Variants in RYR3 observed in about 807,000 individuals in gnomAD.
RYR3 encodes brain ryanodine receptor-calcium release channel.
In RYR3, 207 loss-of-function variants were observed where a neutral mutation model predicts 584.3. The observed-to-expected ratio is 0.35, with a 90% CI of 0.32 to 0.40. RYR3 has a LOEUF of 0.40. Among genes scored for constraint, RYR3 ranks in the 10% least tolerant of loss-of-function variants. The pLI is 1.00. For synonymous variants in RYR3, 2,416 were observed against 2,248.5 expected (o/e 1.07, Z -2.11); for missense variants, 5,616 against 6,089.2 (o/e 0.92, Z 2.59).
rs2066249241 is a variant in RYR3 at position 33,700,850 on chromosome 15, G to A, written c.6380-127G>A. The A allele has an allele frequency of 6.8e-6, 4 of 586,866 alleles. No individual in the cohort carries two copies. The Admixed American group carries it at 8.1e-5, about 12-fold the overall frequency. The allele number at this position is 586,866 out of a possible 1,614,324, so 36.4% of individuals were successfully genotyped here. A position where few individuals can be genotyped will look rare whatever the true frequency, so the allele number is the denominator to read the frequency against. On this transcript the variant is annotated intron_variant, in intron 41 of 103. Transcript: ENST00000634891. ...CAAGCGGACTGTCCCATTGGAGAAC[G>A]GTCATGTAAGCCAGGTTTCAGTGTG... is the stretch of plus-strand genomic sequence containing the variant.
intron 1 of RYR3, among the ~76,000 whole-genome samples, chr15:33,450,087 T>TAAAAA (rs10647466): frequency 0.11 from 7,549 of 67,050 alleles, 1,413 homozygotes; most frequent in South Asian, 0.15. Context: ...CATTAATACC[T>TAAAAA]AAAAAAAAAA....
At chr15:33,683,815 G>T (rs1435767030) in intron 38 of RYR3, among the ~76,000 whole-genome samples, 1 of 152,234 alleles carries the variant, frequency 6.6e-6, no homozygotes, top group Non-Finnish European at 1.5e-5. Flanking sequence ...TTAGCAACTG[G>T]CAGACAAGGA....
chr15:33,365,220 A>G lies in RYR3; in HGVS notation c.51+54124A>G, dbSNP rs143517432. Among the ~76,000 whole-genome samples the G allele has an allele frequency of 2.5e-3, 378 of 152,344 alleles. 2 individuals carry two copies. Among genetic ancestry groups the G allele is most frequent in the African/African-American group, 8.5e-3 (355 of 41,586 alleles). The stretch of plus-strand genomic sequence containing the variant: ...CTCCTCCTTGGGGGCCACAGTGTTT[A>G]TCCATGTCCTGAGATTGGGAGGATA... On this transcript the variant is annotated intron_variant, in intron 1 of 103. Coordinates refer to ENST00000634891, the MANE Select transcript of RYR3 (RefSeq NM_001036.6).
At chr15:33,408,142 A>G (rs1567179634) in intron 1 of RYR3, among the ~76,000 whole-genome samples, 1 of 152,122 alleles carries the variant, frequency 6.6e-6, no homozygotes, top group East Asian at 1.9e-4. Flanking sequence ...ATAGTACCCA[A>G]TAGATTTTAA....
intron 1 of RYR3, among the ~76,000 whole-genome samples, chr15:33,420,646 T>C (rs747145170): frequency 1.3e-5 from 2 of 151,650 alleles, no homozygotes; most frequent in Admixed American, 6.6e-5. Context: ...ATCTCTAAAT[T>C]TGCAGCATGT....
chr15:33,398,291 C>G (rs2042418295), intron 1 of RYR3, among the ~76,000 whole-genome samples: 2 of 152,178 alleles, frequency 1.3e-5, no homozygotes, highest in South Asian at 4.1e-4. Context: ...GGGTGGCCAT[C>G]CATCCACAAT....
At chr15:33,541,931 CAAG>C (rs999634071) in intron 7 of RYR3, among the ~76,000 whole-genome samples, 4 of 152,064 alleles carry the variant, frequency 2.6e-5, no homozygotes, top group Admixed American at 6.6e-5. Flanking sequence ...AAGTCTTTCT[CAAG>C]AAAGTTTTGG....
rs181770354 is a variant in RYR3, at chr15:33,525,445, G to A, written c.280-5147G>A. Among the ~76,000 whole-genome samples the A allele has an allele frequency of 5.3e-3, 807 of 152,246 alleles. 2 individuals are homozygous for A. Among genetic ancestry groups the A allele is most frequent in the Non-Finnish European group, 9.0e-3 (611 of 68,002 alleles). On this transcript the variant is annotated intron_variant, in intron 3 of 103. Coordinates refer to ENST00000634891, the MANE Select transcript of RYR3 (RefSeq NM_001036.6). ...GCAATTTGTGAAATTGCAAAATATC[G>A]CACTAGAATTGTAATTAAAACTGTA...
chr15:33,524,067 T>A (rs1293956752), intron 3 of RYR3, among the ~76,000 whole-genome samples: 1 of 152,156 alleles, frequency 6.6e-6, no homozygotes, highest in Non-Finnish European at 1.5e-5. Flanking sequence ...AAAATACTTT[T>A]AAAATGCTCG....
chr15:33,634,631 C>G lies in RYR3; in HGVS notation c.3073C>G (p.Leu1025Val). ...RNPRLVPYALLDERTKKSNRD... is the reference protein window; with the variant it reads ...RNPRLVPYALVDERTKKSNRD... Reference sequence around the variant, plus strand: ...TCCCCGTCTGGTGCCATATGCATTACTGGATGAGCGTACCAAGAAGTCAAA... The same window carrying G: ...TCCCCGTCTGGTGCCATATGCATTAGTGGATGAGCGTACCAAGAAGTCAAA... The change falls in exon 25 of 104, where the codon CTG (leucine) becomes GTG (valine). Residue 1025 changes from leucine (L) to valine (V), a missense_variant. Leu to Val is a conservative substitution (Grantham distance 32, BLOSUM62 1). Around this residue, in one of 9 missense-constraint regions of RYR3, gnomAD observed 1,284 missense variants for 1,344.6 expected, o/e 0.95. Transcript: ENST00000634891. 1 of 1,613,906 alleles carries G rather than the reference C, an allele frequency of 6.2e-7. No homozygotes were observed. Among genetic ancestry groups the G allele is most frequent in the Non-Finnish European group, 8.5e-7 (1 of 1,179,810 alleles).
At chr15:33,700,347 C>CA (rs1052876482) in intron 41 of RYR3, among the ~76,000 whole-genome samples, 1 of 152,196 alleles carries the variant, frequency 6.6e-6, no homozygotes, top group Non-Finnish European at 1.5e-5. Context: ...CCACCACTAC[C>CA]ACTAGAAAAG....
intron 1 of RYR3, among the ~76,000 whole-genome samples, chr15:33,361,989 G>A (rs1974828914): frequency 6.6e-6 from 1 of 152,216 alleles, no homozygotes. Context: ...GTAACTGACT[G>A]GAGGCCGGCT....
intron 1 of RYR3, among the ~76,000 whole-genome samples, chr15:33,469,895 G>A (rs149625240): frequency 2.6e-4 from 40 of 152,244 alleles, no homozygotes; most frequent in South Asian, 4.1e-4. Context: ...ACAGAAAGGC[G>A]GGAGCACTAG....
chr15:33,745,114 G>A (rs140095822), intron 52 of RYR3, among the ~76,000 whole-genome samples: 1 of 152,232 alleles, frequency 6.6e-6, no homozygotes, highest in East Asian at 1.9e-4. Context: ...ACAAATGATG[G>A]GAGGGGTACA....
chr15:33,681,698 C>T (rs963835213), intron 38 of RYR3, among the ~76,000 whole-genome samples: 1 of 152,180 alleles, frequency 6.6e-6, no homozygotes, highest in Non-Finnish European at 1.5e-5. Context: ...TTTACATGCA[C>T]ATAATTATTT....
chr15:33,513,065 A>C (rs1271441617), intron 3 of RYR3, among the ~76,000 whole-genome samples: 1 of 152,224 alleles, frequency 6.6e-6, no homozygotes, highest in Non-Finnish European at 1.5e-5. Flanking sequence ...TTTTGGGGAA[A>C]TCTTTTAAGA....
intron 64 of RYR3, among the ~76,000 whole-genome samples, chr15:33,777,843 G>T (rs1401786613): frequency 1.3e-5 from 2 of 151,878 alleles, no homozygotes; most frequent in Non-Finnish European, 2.9e-5. Context: ...GCCACCTCGG[G>T]ACCCCTTGTC....
Position 33,660,285 on chromosome 15 carries a change from T to A in RYR3, c.4484T>A (p.Ile1495Asn). 6.4e-7 allele frequency: 1 copy of A among 1,563,514 alleles called. No homozygotes were observed. The highest frequency in any genetic ancestry group is 8.7e-7 in the Non-Finnish European group (1 of 1,154,040). Residue 1495 changes from isoleucine (I) to asparagine (N), a missense_variant, in exon 34 of 104, where the codon ATC becomes AAC. Around this residue, in one of 9 missense-constraint regions of RYR3, gnomAD observed 753 missense variants for 741.0 expected, o/e 1.02. Transcript: ENST00000634891. ...QCPPRLDVQTIQPVLWSRMPN... is the reference protein window; with the variant it reads ...QCPPRLDVQTNQPVLWSRMPN... ...CCACCTCGGCTGGACGTCCAAACCATCCAGCCCGTGCTCTGGAGCCGCATG... is the reference window on the plus strand; with the variant it reads ...CCACCTCGGCTGGACGTCCAAACCAACCAGCCCGTGCTCTGGAGCCGCATG...
chr15:33,346,289 T>C (rs887396780), intron 1 of RYR3, among the ~76,000 whole-genome samples: 2 of 152,206 alleles, frequency 1.3e-5, no homozygotes, highest in African/African-American at 2.4e-5. Flanking sequence ...CGAAAATAGA[T>C]TGTAATTTCT....
Sources: allele counts gnomAD v4.1 joint callset (sites outside exome capture counted in the v4.1 genomes callset), GRCh38; gene constraint gnomAD v4.1.1; regional missense constraint gnomAD v4.1.1; transcripts MANE v1.5; gene names NCBI Gene and HGNC (gene_info 2026-07-23, HGNC 2026-07-21).